Variants in STRN3 observed in about 807,000 individuals in gnomAD.
The protein encoded by STRN3 is striatin 3, also known as striatin-3.
Under a neutral mutation model 95.6 loss-of-function variants are expected in STRN3, and 29 were observed. The ratio of observed to expected loss-of-function variants is 0.30; its 90% CI spans 0.23 to 0.41. The LOEUF (loss-of-function observed/expected upper bound fraction) is 0.41, where lower values mean the gene tolerates loss of function less well. STRN3 is among the 10% of genes least tolerant of loss of function. STRN3 has a pLI of 1.00. For missense variants in STRN3, 890 were observed against 972.1 expected, an observed-to-expected ratio of 0.92 and a Z score of 1.12; for synonymous variants, 331 against 357.6, an observed-to-expected ratio of 0.93 and a Z score of 0.84.
At chr14:30,984,788 T>C (rs538956793) in intron 1 of STRN3, among the ~76,000 whole-genome samples, 1 of 151,564 alleles carries the variant, frequency 6.6e-6, no homozygotes, top group South Asian at 2.1e-4. Flanking sequence ...TCTCAGAAAA[T>C]TTAAATAAAA....
intron 10 of STRN3, among the ~76,000 whole-genome samples, chr14:30,913,094 T>C (rs1354893702): frequency 6.6e-6 from 1 of 152,206 alleles, no homozygotes; most frequent in Non-Finnish European, 1.5e-5. Context: ...CAGGAAATGA[T>C]GCAAGCTAAC....
chr14:30,895,234 A>T lies in STRN3; in HGVS notation c.*177T>A. On this transcript the variant is annotated 3_prime_UTR_variant, in exon 18 of 18. Coordinates refer to ENST00000357479, the MANE Select transcript of STRN3 (RefSeq NM_001083893.2). ...CTTTGTCCCACAAAATACAGTAATT[A>T]CAGTTAACTTAATGAGCTTGACATT... 1.5e-6 allele frequency: 1 copy of T among 655,192 alleles called. No individual in the cohort carries two copies. Among genetic ancestry groups the T allele is most frequent in the Non-Finnish European group, 2.5e-6 (1 of 403,230 alleles). 40.6% of individuals were successfully genotyped at this position (655,192 alleles called of 1,614,324 possible).
chr14:30,951,955 C>T (rs989624838), intron 3 of STRN3, among the ~76,000 whole-genome samples: 2 of 151,882 alleles, frequency 1.3e-5, no homozygotes, highest in Non-Finnish European at 2.9e-5. Flanking sequence ...CCGTCTCTAG[C>T]AAAAATACAA....
chr14:30,975,243 G>A (rs1382431750), intron 1 of STRN3, among the ~76,000 whole-genome samples: 1 of 151,262 alleles, frequency 6.6e-6, no homozygotes, highest in East Asian at 1.9e-4. Flanking sequence ...ATGAAATAAT[G>A]GCATTTGCAG....
chr14:31,017,266 A>G (rs1883283820), intron 1 of STRN3, among the ~76,000 whole-genome samples: 1 of 152,114 alleles, frequency 6.6e-6, no homozygotes, highest in South Asian at 2.1e-4. Flanking sequence ...TTGGGAGGCC[A>G]AGGCAGGCAA....
At chr14:30,946,270 C>T (rs1308572061) in intron 5 of STRN3, among the ~76,000 whole-genome samples, 3 of 152,154 alleles carry the variant, frequency 2.0e-5, no homozygotes, top group South Asian at 2.1e-4. Flanking sequence ...AGGTTGGGTA[C>T]GGTGGCTCAT....
chr14:30,951,491 T>TA (rs1434641065), intron 3 of STRN3, among the ~76,000 whole-genome samples: 3 of 152,290 alleles, frequency 2.0e-5, no homozygotes, highest in East Asian at 1.9e-4. Flanking sequence ...CTCAGCTTCT[T>TA]AAAGTGCTGA....
Position 30,894,931 on chromosome 14 carries a change from G to C in STRN3, c.*480C>G. 1 of 1,095,476 alleles carries C rather than the reference G, an allele frequency of 9.1e-7. No homozygotes were observed. Among genetic ancestry groups the C allele is most frequent in the African/African-American group, 1.8e-5 (1 of 55,730 alleles). The allele number at this position is 1,095,476 out of a possible 1,614,324, so 67.9% of individuals were successfully genotyped here. The stretch of plus-strand genomic sequence containing the variant: ...TTTAAAGCAAAATAAGTTTAAAAGG[G>C]AATCTGTGGCATTCAACCGATAAAC... On this transcript the variant is annotated 3_prime_UTR_variant, in exon 18 of 18. Coordinates refer to ENST00000357479, the MANE Select transcript of STRN3 (RefSeq NM_001083893.2).
At chr14:31,024,123 C>T (rs1419407565) in intron 1 of STRN3, among the ~76,000 whole-genome samples, 2 of 152,146 alleles carry the variant, frequency 1.3e-5, no homozygotes, top group Non-Finnish European at 2.9e-5. Flanking sequence ...CTAATTTGGG[C>T]ACAAGATATC....
At chr14:30,980,004 C>T (rs935258518) in intron 1 of STRN3, among the ~76,000 whole-genome samples, 1 of 151,896 alleles carries the variant, frequency 6.6e-6, no homozygotes, top group Admixed American at 6.6e-5. Context: ...ATCCCAACCA[C>T]CTTGGGAGGC....
chr14:30,945,828 GC>G (rs1879334866), intron 5 of STRN3, among the ~76,000 whole-genome samples: 1 of 152,310 alleles, frequency 6.6e-6, no homozygotes, highest in African/African-American at 2.4e-5. Flanking sequence ...ATTAGTGGTA[GC>G]CCAGGGTTGG....
chr14:30,923,076 T>A (rs1896924813), intron 8 of STRN3, among the ~76,000 whole-genome samples: 1 of 152,214 alleles, frequency 6.6e-6, no homozygotes, highest in African/African-American at 2.4e-5. Flanking sequence ...AATATAACTA[T>A]TTTGTGGGCT....
chr14:30,982,547 T>G (rs566348944), intron 1 of STRN3, among the ~76,000 whole-genome samples: 1 of 152,350 alleles, frequency 6.6e-6, no homozygotes, highest in South Asian at 2.1e-4. Flanking sequence ...TGGCCTCAAG[T>G]GATCTGCCCG....
chr14:31,013,192 C>A (rs1211835423), intron 1 of STRN3, among the ~76,000 whole-genome samples: 1 of 151,504 alleles, frequency 6.6e-6, no homozygotes, highest in Non-Finnish European at 1.5e-5. Flanking sequence ...CACAGGGAGA[C>A]CCCCATCTCT....
chr14:30,906,807 T>C, intron 14 of STRN3, 70 bp downstream of exon 14: 1 of 1,404,740 alleles, frequency 7.1e-7, no homozygotes. Context: ...ATACATCAAT[T>C]ACTTTGTCCT....
chr14:31,000,782 T>A (rs1230665051), intron 1 of STRN3, among the ~76,000 whole-genome samples: 1 of 151,930 alleles, frequency 6.6e-6, no homozygotes, highest in East Asian at 1.9e-4. Flanking sequence ...AACAGGGCAA[T>A]GGCTTTATTT....
chr14:30,979,830 C>T (rs1881300088), intron 1 of STRN3, among the ~76,000 whole-genome samples: 1 of 151,630 alleles, frequency 6.6e-6, no homozygotes, highest in Non-Finnish European at 1.5e-5. Flanking sequence ...GAACTCCTGA[C>T]CTCAGGTAAT....
chr14:30,994,662 A>C (rs1351585243), intron 1 of STRN3, among the ~76,000 whole-genome samples: 4 of 152,256 alleles, frequency 2.6e-5, no homozygotes, highest in Non-Finnish European at 4.4e-5. Context: ...TTACACTTTA[A>C]AAAAACAGGT....
intron 1 of STRN3, among the ~76,000 whole-genome samples, chr14:30,997,949 G>A (rs1882278896): frequency 6.6e-6 from 1 of 152,192 alleles, no homozygotes; most frequent in African/African-American, 2.4e-5. Flanking sequence ...TGGCAATCCG[G>A]GGAGTGTCCA....
Sources: allele counts gnomAD v4.1 joint callset (sites outside exome capture counted in the v4.1 genomes callset), GRCh38; gene constraint gnomAD v4.1.1; transcripts MANE v1.5; gene names NCBI Gene and HGNC (gene_info 2026-07-23, HGNC 2026-07-21).